SPI1: variants seen among roughly 807,000 people sequenced by gnomAD.
SPI1 encodes Spi-1 proto-oncogene.
SPI1 carries 3 observed loss-of-function variants against 30.7 expected under a neutral mutation model. The observed-to-expected ratio is 0.10, with a 90% CI of 0.04 to 0.25. The LOEUF (loss-of-function observed/expected upper bound fraction) is 0.25. SPI1 is among the 10% of genes least tolerant of loss of function. SPI1 has a pLI of 1.00. For missense variants in SPI1, 261 were observed against 371.5 expected (o/e 0.70, Z 2.45); for synonymous variants, 169 against 157.1 (o/e 1.08, Z -0.56).
intron 2 of SPI1, among the ~76,000 whole-genome samples, chr11:47,368,202 T>C (rs899589093): frequency 2.6e-5 from 4 of 152,080 alleles, no homozygotes; most frequent in Non-Finnish European, 5.9e-5. Context: ...CTGTCTCTAC[T>C]AAAAATACAA....
chr11:47,365,315 G>C (rs2095926693), intron 2 of SPI1, among the ~76,000 whole-genome samples: 1 of 152,124 alleles, frequency 6.6e-6, no homozygotes, highest in African/African-American at 2.4e-5. Context: ...CATGGCTCTG[G>C]ACCCTCATTT....
chr11:47,359,710 G>T lies in SPI1; in HGVS notation c.330+143C>A. On this transcript the variant is annotated intron_variant, in intron 3 of 4. Coordinates refer to ENST00000378538, the MANE Select transcript of SPI1 (RefSeq NM_003120.3). This position sits in a 1 kb window ranked among gnomAD's most constrained non-coding sequence, Gnocchi z 5.1. ...AGGTCACTTGGGGGGTCAGGCGGCA[G>T]CCGTTGGAGCTCCAGCCGCCGTTGG... 1.2e-6 allele frequency: 1 copy of T among 854,862 alleles called. No individual in the cohort carries two copies. Among genetic ancestry groups the T allele is most frequent in the Non-Finnish European group, 1.8e-6 (1 of 554,480 alleles). 53.0% of individuals were successfully genotyped at this position (854,862 alleles called of 1,614,324 possible). A position where few individuals can be genotyped will look rare whatever the true frequency, so the allele number is the denominator to read the frequency against.
chr11:47,375,880 G>T lies in SPI1; in HGVS notation c.46-151C>A. On this transcript the variant is annotated intron_variant, in intron 1 of 4. Transcript: ENST00000378538. The surrounding 1 kb of genome is among the most constrained non-coding windows in gnomAD (Gnocchi z 4.2). The stretch of plus-strand genomic sequence containing the variant: ...TCCCTCTGCCTGGAACTGGGACAGA[G>T]AGTGGGGCAGGGGACCCAGAAGGCC... 1.4e-6 allele frequency: 1 copy of T among 710,996 alleles called. No homozygotes were observed. 44.0% of individuals were successfully genotyped at this position (710,996 alleles called of 1,614,324 possible). A position where few individuals can be genotyped will look rare whatever the true frequency, so the allele number is the denominator to read the frequency against.
chr11:47,358,603 G>A (rs1388584445), intron 4 of SPI1: 5 of 704,300 alleles, frequency 7.1e-6, no homozygotes, highest in Non-Finnish European at 1.3e-5. Flanking sequence ...ACACACTCAT[G>A]GCACAGAGAG....
rs201685606 is a variant in SPI1 at position 47,355,280 on chromosome 11, C to T, written c.760G>A (p.Gly254Ser). 213 of 1,578,474 alleles carry T rather than the reference C, an allele frequency of 1.3e-4. No individual in the cohort carries two copies. Among genetic ancestry groups the T allele is most frequent in the Non-Finnish European group, 1.7e-4 (202 of 1,164,118 alleles). ...AGGCCCCCGCGGCCCAGCACTTCGC[C>T]GCTGAACTGGTAGGTGAGCTTCTTC... Reference protein sequence around the residue: ...VKKKLTYQFSGEVLGRGGLAE... With the variant: ...VKKKLTYQFSSEVLGRGGLAE... Residue 254 changes from glycine to serine, a missense_variant, in exon 5 of 5, where the codon GGC becomes AGC. Transcript: ENST00000378538.
chr11:47,361,246 G>A (rs916490740), intron 2 of SPI1, among the ~76,000 whole-genome samples: 1 of 152,160 alleles, frequency 6.6e-6, no homozygotes, highest in Non-Finnish European at 1.5e-5. Context: ...ACATGGCCAA[G>A]GTGTGACAGC....
At chr11:47,358,776 T>C in intron 4 of SPI1, 68 bp downstream of exon 4, 1 of 1,499,944 alleles carries the variant, frequency 6.7e-7, no homozygotes, top group Admixed American at 2.0e-5. Flanking sequence ...TCAGTTGGCC[T>C]GGCTGGGTGG....
Position 47,375,995 on chromosome 11 carries a change from GCTCACA to G in SPI1, c.46-272_46-267del, listed in dbSNP as rs375387537. On this transcript the variant is annotated intron_variant, in intron 1 of 4. Coordinates refer to ENST00000378538, the MANE Select transcript of SPI1 (RefSeq NM_003120.3). The surrounding 1 kb of genome is among the most constrained non-coding windows in gnomAD (Gnocchi z 4.2). ...GGGCTACTCCCCATAGCCACCTCAC[GCTCACA>G]CTCACACTCACGCCTGTGTGCCCCC... 8.4e-4 allele frequency among the ~76,000 whole-genome samples: 127 copies of G among 151,796 alleles called. 1 individual carries two copies. The highest frequency in any genetic ancestry group is 2.5e-3 in the African/African-American group (105 of 41,298).
chr11:47,363,979 A>G (rs1425307060), intron 2 of SPI1, among the ~76,000 whole-genome samples: 1 of 151,440 alleles, frequency 6.6e-6, no homozygotes, highest in Non-Finnish European at 1.5e-5. Flanking sequence ...AAAAAAAAAA[A>G]AAAAAAGCCT....
chr11:47,356,757 ACT>A (rs770270608), intron 4 of SPI1, among the ~76,000 whole-genome samples: 3 of 146,768 alleles, frequency 2.0e-5, no homozygotes, highest in African/African-American at 7.7e-5. Flanking sequence ...ACACATATCC[ACT>A]CACATATGAT....
chr11:47,363,645 G>A, intron 2 of SPI1, among the ~76,000 whole-genome samples: 1 of 152,048 alleles, frequency 6.6e-6, no homozygotes, highest in South Asian at 2.1e-4. Flanking sequence ...GAGCCACCGA[G>A]CCCAGCTGAA....
At chr11:47,362,477 C>T (rs547272995) in intron 2 of SPI1, among the ~76,000 whole-genome samples, 29 of 151,884 alleles carry the variant, frequency 1.9e-4, no homozygotes, top group African/African-American at 6.3e-4. Flanking sequence ...GAGGCTGATA[C>T]GAAAAGATCG....
At chr11:47,376,678 C>T (rs1339631345) in intron 1 of SPI1, among the ~76,000 whole-genome samples, 2 of 152,052 alleles carry the variant, frequency 1.3e-5, no homozygotes, top group Non-Finnish European at 1.5e-5. Flanking sequence ...TCCCTGTCCT[C>T]CTCCCCCTAC....
intron 2 of SPI1, among the ~76,000 whole-genome samples, chr11:47,366,661 T>TA (rs1262625485): frequency 1.3e-5 from 2 of 151,508 alleles, no homozygotes; most frequent in Non-Finnish European, 2.9e-5. Context: ...CTACTAAAAA[T>TA]AGAAAAAAAA....
At chr11:47,361,150 A>G (rs1332560455) in intron 2 of SPI1, among the ~76,000 whole-genome samples, 6 of 152,080 alleles carry the variant, frequency 3.9e-5, no homozygotes, top group Admixed American at 2.6e-4. Context: ...AAAGAAAAGA[A>G]AAAAACCTCC....
chr11:47,362,241 TATC>T (rs1328347863), intron 2 of SPI1, among the ~76,000 whole-genome samples: 2 of 152,132 alleles, frequency 1.3e-5, no homozygotes, highest in Admixed American at 6.5e-5. Flanking sequence ...ACTTCATCAT[TATC>T]ATTATTATTA....
At chr11:47,365,732 T>G (rs1184851265) in intron 2 of SPI1, among the ~76,000 whole-genome samples, 2 of 152,208 alleles carry the variant, frequency 1.3e-5, no homozygotes, top group Non-Finnish European at 2.9e-5. Context: ...AGTCTCATGC[T>G]TTCGCCCAGA....
Position 47,359,798 on chromosome 11 carries a change from G to A in SPI1, c.330+55C>T. ...TGTCAGCTTCCTGTGAAGCTCCCGG[G>A]CCCCACCACAGGCCTGGCAGTCTCC... On this transcript the variant is annotated intron_variant, in intron 3 of 4. Coordinates refer to ENST00000378538, the MANE Select transcript of SPI1 (RefSeq NM_003120.3). The surrounding 1 kb of genome is among the most constrained non-coding windows in gnomAD (Gnocchi z 5.1). The A allele has an allele frequency of 1.3e-6, 2 of 1,570,584 alleles. No individual in the cohort carries two copies. Among genetic ancestry groups the A allele is most frequent in the Non-Finnish European group, 1.7e-6 (2 of 1,156,574 alleles).
chr11:47,369,381 T>C, intron 2 of SPI1, among the ~76,000 whole-genome samples: 1 of 152,170 alleles, frequency 6.6e-6, no homozygotes. Flanking sequence ...CACCACCATC[T>C]CTTTCCTGGA....
Sources: gnomAD v4.1 joint callset for allele counts (sites outside exome capture counted in the v4.1 genomes callset) on GRCh38, gnomAD v4.1.1 for gene constraint, Gnocchi (gnomAD v3.1) non-coding constraint, MANE v1.5 for transcripts, NCBI Gene and HGNC (gene_info 2026-07-23, HGNC 2026-07-21) for gene names.